CLYBL: variants seen among roughly 807,000 people sequenced by gnomAD.
The protein encoded by CLYBL is citramalyl-CoA lyase, mitochondrial.
CLYBL carries 31 observed loss-of-function variants against 38.9 expected under a neutral mutation model. The ratio of observed to expected loss-of-function variants is 0.80; its 90% CI spans 0.60 to 1.08. The LOEUF is 1.08. Among genes scored for constraint, CLYBL ranks in the 50% least tolerant of loss-of-function variants. CLYBL has a pLI of 0.00. For missense variants in CLYBL, 434 were observed against 411.6 expected (o/e 1.05, Z -0.47); for synonymous variants, 171 against 158.6 (o/e 1.08, Z -0.59).
chr13:99,851,120 C>T (rs531212855), intron 2 of CLYBL, among the ~76,000 whole-genome samples: 1 of 152,010 alleles, frequency 6.6e-6, no homozygotes, highest in African/African-American at 2.4e-5. Context: ...TGCCTATAAT[C>T]CCAGCACTTT....
chr13:99,796,838 A>C (rs1276248469), intron 2 of CLYBL, among the ~76,000 whole-genome samples: 1 of 151,954 alleles, frequency 6.6e-6, no homozygotes, highest in Non-Finnish European at 1.5e-5. Context: ...GTACAAGCAA[A>C]AGTGGGCAGC....
At chr13:99,783,992 C>T (rs2049722850) in intron 2 of CLYBL, 1 of 152,160 alleles carries the variant, frequency 6.6e-6, no homozygotes, top group African/African-American at 2.4e-5. Context: ...CTATCTAAAT[C>T]ATTTTTTGTT....
intron 2 of CLYBL, among the ~76,000 whole-genome samples, chr13:99,779,961 A>G (rs1445328072): frequency 6.6e-6 from 1 of 152,142 alleles, no homozygotes; most frequent in Non-Finnish European, 1.5e-5. Context: ...TATATTTTCT[A>G]CTTACTAGAT....
chr13:99,845,754 T>TG (rs1472725383), intron 2 of CLYBL, among the ~76,000 whole-genome samples: 1 of 152,122 alleles, frequency 6.6e-6, no homozygotes, highest in African/African-American at 2.4e-5. Context: ...TGGTCCTTGC[T>TG]GGGGGGCCCT....
At chr13:99,698,505 A>T (rs1238133672) in intron 1 of CLYBL, among the ~76,000 whole-genome samples, 1 of 152,186 alleles carries the variant, frequency 6.6e-6, no homozygotes, top group Non-Finnish European at 1.5e-5. Context: ...ATGTCATTTG[A>T]CGTGACAGAA....
intron 1 of CLYBL, among the ~76,000 whole-genome samples, chr13:99,643,743 C>T (rs1282594429): frequency 1.3e-5 from 2 of 152,140 alleles, no homozygotes; most frequent in East Asian, 1.9e-4. Flanking sequence ...CGCAGTGGCT[C>T]ACGCCTGTAA....
chr13:99,786,037 AATACAATT>A (rs2138864157), intron 2 of CLYBL, among the ~76,000 whole-genome samples: 1 of 152,134 alleles, frequency 6.6e-6, no homozygotes, highest in Non-Finnish European at 1.5e-5. Flanking sequence ...CAGTTGTCCC[AATACAATT>A]ATATTTTAAC....
At chr13:99,877,349 T>A (rs551255431) in intron 7 of CLYBL, among the ~76,000 whole-genome samples, 1 of 152,116 alleles carries the variant, frequency 6.6e-6, no homozygotes, top group African/African-American at 2.4e-5. Context: ...CCTCTAAGGA[T>A]GGATGGGTCT....
intron 1 of CLYBL, among the ~76,000 whole-genome samples, chr13:99,769,155 G>A (rs7333752): frequency 0.17 from 25,412 of 152,076 alleles, 2,694 homozygotes; most frequent in East Asian, 0.37. Context: ...GCTCCCTCAA[G>A]CTATGTGCAG....
chr13:99,810,457 G>A (rs768523352), intron 2 of CLYBL, among the ~76,000 whole-genome samples: 1 of 152,164 alleles, frequency 6.6e-6, no homozygotes. Flanking sequence ...TGGAGGGGGA[G>A]GCACATGCCA....
chr13:99,896,071 C>A (rs1423006381), downstream of CLYBL: 4 of 151,184 alleles, frequency 2.6e-5, no homozygotes, highest in African/African-American at 7.2e-5. Flanking sequence ...GAGGCCTCGT[C>A]GCCCGCGCCC....
In CLYBL at chr13:99,626,698, T is replaced by TA. The variant is rs1472462342; in HGVS notation, c.62+19942dup. 3.3e-5 allele frequency among the ~76,000 whole-genome samples: 5 copies of TA among 152,294 alleles called. No homozygotes were observed. The East Asian group carries it at 9.6e-4, about 29-fold the overall frequency. ...CAGGTGACTTCACTTCTCTGTGTATTATGTACTTCGCTTCCTACATCTGCA... is the reference window on the plus strand; with the variant it reads ...CAGGTGACTTCACTTCTCTGTGTATTAATGTACTTCGCTTCCTACATCTGCA... On this transcript the variant is annotated intron_variant, in intron 1 of 8. Coordinates refer to ENST00000339105, the MANE Select transcript of CLYBL (RefSeq NM_206808.5).
intron 1 of CLYBL, among the ~76,000 whole-genome samples, chr13:99,612,627 G>T (rs1052705295): frequency 1.3e-5 from 2 of 151,966 alleles, no homozygotes; most frequent in Admixed American, 1.3e-4. Flanking sequence ...GATTCAAGCA[G>T]TCTACCCACC....
intron 1 of CLYBL, among the ~76,000 whole-genome samples, chr13:99,669,168 A>AT (rs1049722820): frequency 2.0e-5 from 3 of 151,888 alleles, no homozygotes; most frequent in Admixed American, 6.6e-5. Flanking sequence ...TGCCCAGCTA[A>AT]TTTTTTTGTA....
intron 1 of CLYBL, among the ~76,000 whole-genome samples, chr13:99,650,329 G>A (rs1335318432): frequency 6.6e-6 from 1 of 152,158 alleles, no homozygotes; most frequent in Non-Finnish European, 1.5e-5. Context: ...GGCTAAGGCA[G>A]GAGGATTGCT....
intron 1 of CLYBL, among the ~76,000 whole-genome samples, chr13:99,718,354 C>T (rs1213542518): frequency 6.6e-6 from 1 of 151,020 alleles, no homozygotes; most frequent in Non-Finnish European, 1.5e-5. Context: ...TGTTAACCTC[C>T]CCTGATAGAT....
rs1271037484 is a variant in CLYBL, at chr13:99,849,417, G to A, written c.250-9444G>A. ...AGTCACAGCTACTCAGGAGGCCAAG[G>A]CGAGCGGATTGCTGGGGCCTAGGAG... On this transcript the variant is annotated intron_variant, in intron 2 of 8. Transcript: ENST00000339105. The surrounding 1 kb of genome is among the most constrained non-coding windows in gnomAD (Gnocchi z 4.9). Among the ~76,000 whole-genome samples, 3 of 152,142 alleles carry A rather than the reference G, an allele frequency of 2.0e-5. No individual in the cohort carries two copies. The highest frequency in any genetic ancestry group is 2.9e-5 in the Non-Finnish European group (2 of 68,038).
chr13:99,683,937 C>T (rs926056979), intron 1 of CLYBL, among the ~76,000 whole-genome samples: 9 of 149,706 alleles, frequency 6.0e-5, no homozygotes, highest in African/African-American at 1.2e-4. Flanking sequence ...GGCACAATCT[C>T]GGCTCACTGC....
chr13:99,792,073 AT>A (rs377506881), intron 2 of CLYBL, among the ~76,000 whole-genome samples: 1 of 152,068 alleles, frequency 6.6e-6, no homozygotes, highest in South Asian at 2.1e-4. Context: ...GATGTTACTT[AT>A]TTTTTTTCCC....
Sources: gnomAD v4.1 joint callset for allele counts (sites outside exome capture counted in the v4.1 genomes callset) on GRCh38, gnomAD v4.1.1 for gene constraint, Gnocchi (gnomAD v3.1) non-coding constraint, MANE v1.5 for transcripts, NCBI Gene and HGNC (gene_info 2026-07-23, HGNC 2026-07-21) for gene names.